Variants in SLC75A1 observed in about 807,000 individuals in gnomAD.
The protein encoded by SLC75A1 is major facilitator superfamily domain containing 10.
chr4:2,930,879 G>A, the SLC75A1 span: 23 of 1,612,994 alleles, frequency 1.4e-5, no homozygotes, highest in Non-Finnish European at 1.5e-5. Context: ...CTCAGCTTCT[G>A]CAGGAGGAAG....
At chr4:2,931,601 T>C in the SLC75A1 span, 21 of 1,613,358 alleles carry the variant, frequency 1.3e-5, no homozygotes, top group African/African-American at 1.5e-4. Flanking sequence ...CCGCCGGGCA[T>C]AGGCACCCTG....
At chr4:2,931,390 G>C in the SLC75A1 span, 1 of 1,550,352 alleles carries the variant, frequency 6.5e-7, no homozygotes, top group Non-Finnish European at 8.7e-7. Flanking sequence ...GAGTAGAGCA[G>C]CAGCCCCAGG....
the SLC75A1 span, chr4:2,931,690 C>G: frequency 6.3e-7 from 1 of 1,599,312 alleles, no homozygotes; most frequent in Non-Finnish European, 8.5e-7. Context: ...TAGTGCAGGG[C>G]ACCCGGGGCA....
chr4:2,932,969 C>A, the SLC75A1 span: 1 of 1,029,190 alleles, frequency 9.7e-7, no homozygotes. Flanking sequence ...CCCCGAGAAC[C>A]CCCTCCAGGA....
chr4:2,933,300 G>A, the SLC75A1 span: 1 of 1,300,678 alleles, frequency 7.7e-7, no homozygotes, highest in African/African-American at 1.5e-5. Flanking sequence ...CCCGTCCTGA[G>A]GGTCCAGTCA....
chr4:2,930,614 T>C, the SLC75A1 span: 1 of 589,632 alleles, frequency 1.7e-6, no homozygotes, highest in Non-Finnish European at 3.0e-6. Context: ...TGGTGCATAG[T>C]TTAAAAAACA....
chr4:2,931,083 C>T, the SLC75A1 span: 18 of 1,598,710 alleles, frequency 1.1e-5, no homozygotes, highest in African/African-American at 2.7e-5. Flanking sequence ...CCAGGGGCCC[C>T]GCGGCCCTGG....
chr4:2,933,101 C>A, the SLC75A1 span: 1 of 1,613,166 alleles, frequency 6.2e-7, no homozygotes, highest in East Asian at 2.2e-5. Flanking sequence ...GGCCCAGGAA[C>A]ATACCAGGCA....
chr4:2,932,026 G>C, the SLC75A1 span: 1 of 1,609,534 alleles, frequency 6.2e-7, no homozygotes, highest in East Asian at 2.2e-5. Context: ...CTCCACGCTT[G>C]GGTTGGTCGA....
At chr4:2,930,684 G>T in the SLC75A1 span, 1 of 750,876 alleles carries the variant, frequency 1.3e-6, no homozygotes, top group Non-Finnish European at 2.2e-6. Flanking sequence ...GAGTAAGTAA[G>T]TCTGGAGGAG....
At chr4:2,931,918 C>A in the SLC75A1 span, 1 of 1,609,954 alleles carries the variant, frequency 6.2e-7, no homozygotes, top group East Asian at 2.2e-5. Flanking sequence ...TAGGCCCAGG[C>A]GGCGCAGGCT....
chr4:2,933,819 G>A, the SLC75A1 span: 1 of 1,590,624 alleles, frequency 6.3e-7, no homozygotes, highest in Non-Finnish European at 8.6e-7. Flanking sequence ...AGGCCAGGAG[G>A]TCCAGCAGGA....
chr4:2,931,653 C>G, the SLC75A1 span: 6 of 1,613,226 alleles, frequency 3.7e-6, no homozygotes, highest in Non-Finnish European at 5.1e-6. Flanking sequence ...AACATCTTCC[C>G]CTGCTGTAGG....
the SLC75A1 span, chr4:2,931,157 G>C: frequency 1.3e-6 from 2 of 1,560,528 alleles, no homozygotes; most frequent in Non-Finnish European, 1.7e-6. Flanking sequence ...GAGCCTGTGG[G>C]AAGAGGCACA....
the SLC75A1 span, chr4:2,931,009 G>A: frequency 8.7e-6 from 14 of 1,611,826 alleles, no homozygotes; most frequent in East Asian, 4.5e-5. Context: ...CTTGGGAGGC[G>A]AGGGCAGGTG....
the SLC75A1 span, chr4:2,931,892 G>A: frequency 2.5e-6 from 4 of 1,611,554 alleles, no homozygotes; most frequent in East Asian, 6.7e-5. Flanking sequence ...AACAGGAAGA[G>A]GTAGAGGAAG....
the SLC75A1 span, chr4:2,932,104 G>T: frequency 1.2e-6 from 2 of 1,610,634 alleles, no homozygotes; most frequent in Admixed American, 1.7e-5. Flanking sequence ...CAGGGCCAGG[G>T]GGCTGAGCAG....
the SLC75A1 span, chr4:2,933,872 G>A: frequency 1.9e-6 from 3 of 1,583,502 alleles, no homozygotes; most frequent in East Asian, 4.6e-5. Context: ...TCCGGCGGCT[G>A]CTGGTGGATG....
At chr4:2,932,392 T>C in the SLC75A1 span, 2 of 1,613,372 alleles carry the variant, frequency 1.2e-6, no homozygotes, top group African/African-American at 1.3e-5. Flanking sequence ...AAGCAGAAGA[T>C]GAACAGCAGG....
Sources: gnomAD v4.1 joint callset for allele counts on GRCh38, gnomAD v4.1.1 for gene constraint, MANE v1.5 for transcripts, NCBI Gene and HGNC (gene_info 2026-07-23, HGNC 2026-07-21) for gene names.